The following NAV2 variants were observed in gnomAD, a reference collection of about 807,000 sequenced individuals.
The protein encoded by NAV2 is helicase, APC down-regulated 1.
NAV2 carries 54 observed loss-of-function variants against 223.2 expected under a neutral mutation model. The ratio of observed to expected loss-of-function variants is 0.24; its 90% CI spans 0.19 to 0.30. NAV2 has a LOEUF of 0.30. NAV2 is among the 10% of genes least tolerant of loss of function. The pLI, the probability that NAV2 is intolerant of heterozygous loss-of-function variation, is 1.00. For missense variants in NAV2, 2,806 were observed against 3,147.5 expected, an observed-to-expected ratio of 0.89 and a Z score of 2.60; for synonymous variants, 1,279 against 1,239.3, an observed-to-expected ratio of 1.03 and a Z score of -0.67.
chr11:19,439,229 C>T (rs902180579), intron 1 of NAV2, among the ~76,000 whole-genome samples: 1 of 152,102 alleles, frequency 6.6e-6, no homozygotes, highest in East Asian at 1.9e-4. Context: ...AAGACAAAGA[C>T]CAAATATATA....
At position 20,045,246 on chromosome 11, in the gene NAV2, A is replaced by T; in HGVS notation, c.3478A>T (p.Ser1160Cys). The T allele has an allele frequency of 6.2e-7, 1 of 1,614,198 alleles. No individual in the cohort carries two copies. Among genetic ancestry groups the T allele is most frequent in the African/African-American group, 1.3e-5 (1 of 75,066 alleles). Residue 1160 changes from serine (S) to cysteine (C), a missense_variant, in exon 14 of 38, where the codon AGT becomes TGT. Ser to Cys is a moderately radical substitution (Grantham distance 112). Transcript: ENST00000349880. ...AATCCCAAAGTCATCTGCACTCGTCAGTCGGTCTGCTGGTCGGAAGTCAAG... is the reference window on the plus strand; with the variant it reads ...AATCCCAAAGTCATCTGCACTCGTCTGTCGGTCTGCTGGTCGGAAGTCAAG... ...GKIPKSSALVSRSAGRKSSMD... is the reference protein window; with the variant it reads ...GKIPKSSALVCRSAGRKSSMD...
chr11:19,564,555 C>T (rs934314570), intron 1 of NAV2, among the ~76,000 whole-genome samples: 2 of 151,756 alleles, frequency 1.3e-5, no homozygotes, highest in African/African-American at 4.8e-5. Flanking sequence ...GCGTCGTGTT[C>T]TTTTTCCATT....
chr11:19,511,704 G>A (rs915153546), intron 1 of NAV2: 1 of 152,222 alleles, frequency 6.6e-6, no homozygotes, highest in South Asian at 2.1e-4. Flanking sequence ...CCTTCTTTCT[G>A]TTCTGGCCTG....
In NAV2 at chr11:20,049,907, G is replaced by T; in HGVS notation, c.4436+6G>T. 1.2e-6 allele frequency: 2 copies of T among 1,614,054 alleles called. No homozygotes were observed. Among genetic ancestry groups the T allele is most frequent in the Non-Finnish European group, 1.7e-6 (2 of 1,179,928 alleles). On this transcript the variant is annotated splice_donor_region_variant and intron_variant, in intron 16 of 37. Coordinates refer to ENST00000349880, the MANE Select transcript of NAV2 (RefSeq NM_145117.5). The stretch of plus-strand genomic sequence containing the variant: ...CTGCCCAGGAAACAGGACAGGTAAT[G>T]ACATTGCAGGCCGGGGACCAACCGA...
At chr11:19,544,451 T>C (rs985614034) in intron 1 of NAV2, among the ~76,000 whole-genome samples, 1 of 152,212 alleles carries the variant, frequency 6.6e-6, no homozygotes, top group Non-Finnish European at 1.5e-5. Flanking sequence ...TCTAGAGATC[T>C]GAGTAGGCAT....
chr11:19,674,314 G>A (rs772360795), intron 1 of NAV2, among the ~76,000 whole-genome samples: 12 of 152,300 alleles, frequency 7.9e-5, no homozygotes, highest in East Asian at 1.9e-4. Context: ...CAAGAGGGAC[G>A]GGAGGGCGCG....
intron 25 of NAV2, among the ~76,000 whole-genome samples, chr11:20,081,816 TAGAAAAA>T (rs2153664850): frequency 2.0e-5 from 3 of 152,338 alleles, no homozygotes; most frequent in African/African-American, 7.2e-5. Context: ...AAAAAGACTT[TAGAAAAA>T]GGAAATTACT....
intron 1 of NAV2, among the ~76,000 whole-genome samples, chr11:19,707,262 CTTT>C (rs1158533067): frequency 6.6e-6 from 1 of 152,104 alleles, no homozygotes; most frequent in African/African-American, 2.4e-5. Flanking sequence ...TTAACTGTAA[CTTT>C]TTTACTTTAT....
chr11:19,966,567 A>G (rs1485285921), intron 10 of NAV2, among the ~76,000 whole-genome samples: 1 of 152,098 alleles, frequency 6.6e-6, no homozygotes, highest in East Asian at 1.9e-4. Context: ...ACTCTGAACC[A>G]CAGACGTTTT....
At chr11:19,530,372 T>C (rs1190216868) in intron 1 of NAV2, among the ~76,000 whole-genome samples, 1 of 151,784 alleles carries the variant, frequency 6.6e-6, no homozygotes, top group Non-Finnish European at 1.5e-5. Context: ...ATGGTAATAA[T>C]GCAAGGTAGC....
In NAV2 at chr11:19,663,901, C is replaced by T. The variant is rs148411909; in HGVS notation, c.76-168583C>T. ...TCTGCTATGGGGCAGGGATGACAAC[C>T]GTGTAGCATGTGACTACCACTCCCC... On this transcript the variant is annotated intron_variant, in intron 1 of 37. Transcript: ENST00000360655. Among the ~76,000 whole-genome samples the T allele has an allele frequency of 1.7e-4, 26 of 152,262 alleles. No individual in the cohort carries two copies. In the East Asian group the frequency reaches 3.7e-3, roughly 21 times the overall value.
At chr11:19,585,159 T>C (rs1179791422) in intron 1 of NAV2, among the ~76,000 whole-genome samples, 2 of 152,216 alleles carry the variant, frequency 1.3e-5, no homozygotes, top group African/African-American at 2.4e-5. Context: ...CTTTTGATCT[T>C]TGTTGGTTTA....
intron 1 of NAV2, among the ~76,000 whole-genome samples, chr11:19,538,891 T>TTATATA (rs57662236): frequency 0.088 from 12,922 of 146,324 alleles, 660 homozygotes; most frequent in South Asian, 0.15. Flanking sequence ...TAATGACATT[T>TTATATA]TATATATATA....
At chr11:19,656,362 GC>G (rs767464250) in intron 1 of NAV2, among the ~76,000 whole-genome samples, 18 of 152,164 alleles carry the variant, frequency 1.2e-4, no homozygotes, top group Non-Finnish European at 2.2e-4. Context: ...CATTCATCTG[GC>G]AGAAGGGCCA....
At chr11:19,489,250 A>C (rs1037209294) in intron 1 of NAV2, among the ~76,000 whole-genome samples, 3 of 152,218 alleles carry the variant, frequency 2.0e-5, no homozygotes, top group Non-Finnish European at 2.9e-5. Flanking sequence ...CGCATCTGCA[A>C]ATAATTCAAA....
At chr11:19,352,504 T>C (rs1853382644) in intron 1 of NAV2, among the ~76,000 whole-genome samples, 1 of 152,212 alleles carries the variant, frequency 6.6e-6, no homozygotes, top group African/African-American at 2.4e-5. Context: ...GGTCCACATG[T>C]ACTATGGAGC....
chr11:19,933,378 T>G lies in NAV2; in HGVS notation c.1134T>G (p.Pro378=). Residue 378 remains proline (P), a synonymous_variant, in exon 7 of 38, where the codon CCT becomes CCG. Coordinates refer to ENST00000349880, the MANE Select transcript of NAV2 (RefSeq NM_145117.5). The surrounding 1 kb of genome is among the most constrained non-coding windows in gnomAD (Gnocchi z 4.3). The stretch of plus-strand genomic sequence containing the variant: ...CGGTATCCATGCTCTCGGTCAAGCC[T>G]CCTGGGCCTGAGGCCCCCAGGCCCA... The part of the protein sequence containing the change: ...SATVSMLSVK[P]PGPEAPRPTP... 6.3e-7 allele frequency: 1 copy of G among 1,587,238 alleles called. No individual in the cohort carries two copies. The highest frequency in any genetic ancestry group is 8.6e-7 in the Non-Finnish European group (1 of 1,165,492).
chr11:19,389,632 A>G (rs989532322), intron 1 of NAV2, among the ~76,000 whole-genome samples: 1 of 152,172 alleles, frequency 6.6e-6, no homozygotes, highest in Non-Finnish European at 1.5e-5. Context: ...TGTGCCTCAT[A>G]AGGGTTACAT....
At chr11:19,883,188 G>C (rs545941126) in intron 5 of NAV2, among the ~76,000 whole-genome samples, 1 of 152,136 alleles carries the variant, frequency 6.6e-6, no homozygotes, top group South Asian at 2.1e-4. Context: ...CAGCACCCCT[G>C]GGGGGTAGCA....
Sources: gnomAD v4.1 joint callset for allele counts (sites outside exome capture counted in the v4.1 genomes callset) on GRCh38, gnomAD v4.1.1 for gene constraint, Gnocchi (gnomAD v3.1) non-coding constraint, MANE v1.5 for transcripts, NCBI Gene and HGNC (gene_info 2026-07-23, HGNC 2026-07-21) for gene names.